The following AP2B1 variants were observed in gnomAD, a reference collection of about 807,000 sequenced individuals.
AP2B1 encodes the protein AP-2 complex subunit beta.
Under a neutral mutation model 102.0 loss-of-function variants are expected in AP2B1, and 23 were observed. That is an observed-to-expected ratio of 0.23 (90% confidence interval 0.16 to 0.32). The LOEUF is 0.32. AP2B1 is among the 10% of genes least tolerant of loss of function. AP2B1 has a pLI of 1.00. For missense variants in AP2B1, 541 were observed against 1,157.4 expected, an observed-to-expected ratio of 0.47 and a Z score of 7.73; for synonymous variants, 381 against 421.2, an observed-to-expected ratio of 0.90 and a Z score of 1.17.
chr17:35,639,587 T>A lies in AP2B1; in HGVS notation c.1272-8T>A, dbSNP rs1222255459. 6.3e-7 allele frequency: 1 copy of A among 1,599,736 alleles called. No homozygotes were observed. Among genetic ancestry groups the A allele is most frequent in the Non-Finnish European group, 8.5e-7 (1 of 1,175,250 alleles). ...CCTCAATAACCATAGTTCATTTTTT[T>A]TCATCAGGTATGAAAGTATCATCGC... On this transcript the variant is annotated splice_polypyrimidine_tract_variant and splice_region_variant and intron_variant, in intron 10 of 21. Transcript: ENST00000610402.
chr17:35,626,016 C>T lies in AP2B1; in HGVS notation c.717-605C>T, dbSNP rs139076921. Among the ~76,000 whole-genome samples the T allele has an allele frequency of 3.3e-5, 5 of 152,204 alleles. No homozygotes were observed. In the East Asian group the frequency reaches 9.7e-4, roughly 29 times the overall value. Reference sequence around the variant, plus strand: ...TTATGAGGCATGTAAGTGTAGGTGGCAGGGGCTAGGAGAGGGGGGAGACAG... The same window carrying T: ...TTATGAGGCATGTAAGTGTAGGTGGTAGGGGCTAGGAGAGGGGGGAGACAG... On this transcript the variant is annotated intron_variant, in intron 6 of 21. Transcript: ENST00000610402.
chr17:35,639,493 T>A lies in AP2B1; in HGVS notation c.1272-102T>A, dbSNP rs555034012. The A allele has an allele frequency of 3.0e-6, 3 of 990,700 alleles. No homozygotes were observed. The African/African-American group carries it at 4.9e-5, about 16-fold the overall frequency. The allele number at this position is 990,700 out of a possible 1,614,324, so 61.4% of individuals were successfully genotyped here. A position where few individuals can be genotyped will look rare whatever the true frequency, so the allele number is the denominator to read the frequency against. On this transcript the variant is annotated intron_variant, in intron 10 of 21. Transcript: ENST00000610402. ...ACTAAAAGCTTTTACAGTTTGGTGG[T>A]TTGGTTTAGGGTCCCTTGTTTGTGG... is the stretch of plus-strand genomic sequence containing the variant.
chr17:35,634,015 C>T (rs1190062849), intron 9 of AP2B1, among the ~76,000 whole-genome samples: 6 of 152,092 alleles, frequency 3.9e-5, no homozygotes, highest in South Asian at 2.1e-4. Context: ...GGCATGGTGG[C>T]GCACGCCTGT....
chr17:35,610,873 T>G (rs1479507686), intron 5 of AP2B1, among the ~76,000 whole-genome samples: 1 of 150,876 alleles, frequency 6.6e-6, no homozygotes, highest in Admixed American at 6.6e-5. Flanking sequence ...TGCCACTGCA[T>G]TCCAGCCTGG....
Position 35,633,089 on chromosome 17 carries a change from G to A in AP2B1, c.1156-3252G>A, listed in dbSNP as rs369348454. Among the ~76,000 whole-genome samples the A allele has an allele frequency of 1.2e-4, 18 of 152,212 alleles. No homozygotes were observed. In the East Asian group the frequency reaches 3.1e-3, roughly 26 times the overall value. ...TAAAAGACTGCAGAATCGGCCGGGC[G>A]CGGTGGCTCATGCCTCTAATCCCAG... On this transcript the variant is annotated intron_variant, in intron 9 of 21. Coordinates refer to ENST00000610402, the MANE Select transcript of AP2B1 (RefSeq NM_001030006.2).
chr17:35,672,270 G>A lies in AP2B1; in HGVS notation c.2178+370G>A, dbSNP rs1033595920. 3.9e-5 allele frequency among the ~76,000 whole-genome samples: 6 copies of A among 152,206 alleles called. No individual in the cohort carries two copies. The South Asian group carries it at 6.2e-4, about 16-fold the overall frequency. The stretch of plus-strand genomic sequence containing the variant: ...TTTCTCTTATTCCTCTTTCCCCATT[G>A]GTATTACGTATGGATTCTAGAATGC... On this transcript the variant is annotated intron_variant, in intron 16 of 21. Transcript: ENST00000610402.
At chr17:35,674,406 A>C in intron 17 of AP2B1, 85 bp downstream of exon 17, 2 of 1,502,338 alleles carry the variant, frequency 1.3e-6, no homozygotes, top group Non-Finnish European at 1.8e-6. Flanking sequence ...AGCACTGGTT[A>C]AAAACTCACA....
intron 4 of AP2B1, among the ~76,000 whole-genome samples, chr17:35,607,587 G>A (rs1009918046): frequency 6.6e-6 from 1 of 152,200 alleles, no homozygotes; most frequent in Non-Finnish European, 1.5e-5. Flanking sequence ...TAGTAAAAGA[G>A]AATGTATGTT....
chr17:35,630,284 A>T (rs2074426556), intron 9 of AP2B1, among the ~76,000 whole-genome samples: 1 of 152,192 alleles, frequency 6.6e-6, no homozygotes, highest in Non-Finnish European at 1.5e-5. Context: ...CTTGATTCAG[A>T]TATTTAATGT....
chr17:35,685,592 G>A (rs1367834861), intron 18 of AP2B1, among the ~76,000 whole-genome samples: 1 of 152,134 alleles, frequency 6.6e-6, no homozygotes, highest in East Asian at 1.9e-4. Flanking sequence ...GTGGATTTTA[G>A]CTATTTTGGC....
intron 14 of AP2B1, among the ~76,000 whole-genome samples, chr17:35,669,504 T>A (rs994211682): frequency 7.2e-5 from 11 of 152,174 alleles, no homozygotes; most frequent in African/African-American, 2.7e-4. Flanking sequence ...CATTAAGTAG[T>A]CTTCAGGAAT....
intron 18 of AP2B1, among the ~76,000 whole-genome samples, chr17:35,687,801 T>G (rs1414233051): frequency 6.6e-6 from 1 of 152,174 alleles, no homozygotes; most frequent in Non-Finnish European, 1.5e-5. Context: ...TCCTCCTGCC[T>G]CAGCTTCCTA....
intron 18 of AP2B1, among the ~76,000 whole-genome samples, chr17:35,703,193 A>G (rs772311230): frequency 4.4e-5 from 6 of 136,932 alleles, no homozygotes; most frequent in Non-Finnish European, 9.1e-5. Context: ...TGAACCTGGG[A>G]GGCGGAGCTT....
intron 12 of AP2B1, among the ~76,000 whole-genome samples, chr17:35,646,053 G>T (rs1243087368): frequency 6.6e-6 from 1 of 152,118 alleles, no homozygotes; most frequent in Non-Finnish European, 1.5e-5. Flanking sequence ...TATGGCCCCT[G>T]GGTTCTGCAC....
chr17:35,623,098 T>TA (rs1491110546), intron 5 of AP2B1, among the ~76,000 whole-genome samples: 1 of 8,706 alleles, frequency 1.1e-4, no homozygotes, highest in Non-Finnish European at 3.4e-4. Context: ...TATGTATGCA[T>TA]TTTTTTTTTT....
intron 17 of AP2B1, among the ~76,000 whole-genome samples, chr17:35,676,606 G>T (rs1434541350): frequency 6.6e-6 from 1 of 152,094 alleles, no homozygotes; most frequent in Non-Finnish European, 1.5e-5. Flanking sequence ...ATATGTTTTT[G>T]ATTTTCCTTG....
At chr17:35,588,230 G>T (rs1446485501) in intron 1 of AP2B1, among the ~76,000 whole-genome samples, 2 of 151,134 alleles carry the variant, frequency 1.3e-5, no homozygotes, top group Non-Finnish European at 2.9e-5. Flanking sequence ...GTCTTCTATT[G>T]GAGGGGTGGG....
At chr17:35,694,519 C>T (rs1463847830) in intron 18 of AP2B1, among the ~76,000 whole-genome samples, 2 of 151,614 alleles carry the variant, frequency 1.3e-5, no homozygotes, top group Non-Finnish European at 2.9e-5. Flanking sequence ...CCTTGGCCTC[C>T]CAAAGTGCTG....
intron 18 of AP2B1, among the ~76,000 whole-genome samples, chr17:35,689,950 G>C (rs1179156770): frequency 6.6e-6 from 1 of 152,184 alleles, no homozygotes; most frequent in Non-Finnish European, 1.5e-5. Flanking sequence ...CTCTGGCTTG[G>C]AGCTCACTGA....
Sources: gnomAD v4.1 joint callset for allele counts (sites outside exome capture counted in the v4.1 genomes callset) on GRCh38, gnomAD v4.1.1 for gene constraint, MANE v1.5 for transcripts, NCBI Gene and HGNC (gene_info 2026-07-23, HGNC 2026-07-21) for gene names.